The following MFHAS1 variants were observed in gnomAD, a reference collection of about 807,000 sequenced individuals.
The protein encoded by MFHAS1 is malignant fibrous histiocytoma-amplified sequence 1.
A neutral mutation model predicts 70.4 loss-of-function variants in MFHAS1; 50 were observed. The observed-to-expected ratio is 0.71, with a 90% CI of 0.57 to 0.90. The LOEUF (loss-of-function observed/expected upper bound fraction) is 0.90, where lower values mean the gene tolerates loss of function less well. Among genes scored for constraint, MFHAS1 ranks in the 40% least tolerant of loss-of-function variants. The pLI is 0.00. For missense variants in MFHAS1, 1,795 were observed against 1,347.6 expected (o/e 1.33, Z -5.20); for synonymous variants, 952 against 620.0 (o/e 1.54, Z -7.96).
chr8:8,803,047 A>ACT (rs985655958), intron 1 of MFHAS1, among the ~76,000 whole-genome samples: 5 of 151,986 alleles, frequency 3.3e-5, no homozygotes, highest in African/African-American at 1.2e-4. Context: ...AGCCACATAT[A>ACT]CTCTTAAGGG....
intron 1 of MFHAS1, among the ~76,000 whole-genome samples, chr8:8,853,491 C>A (rs1469326281): frequency 7.9e-4 from 97 of 122,798 alleles, no homozygotes; most frequent in African/African-American, 2.2e-3. Flanking sequence ...AAAAAAAAAA[C>A]CACACACAAC....
rs36104437 is a variant in MFHAS1 at position 8,840,019 on chromosome 8, C to A, written c.2999-42528G>T. Among the ~76,000 whole-genome samples the A allele has an allele frequency of 9.3e-3, 1,422 of 152,246 alleles. 11 individuals carry two copies. Among genetic ancestry groups the A allele is most frequent in the Non-Finnish European group, 0.015 (1,050 of 68,014 alleles). ...ATTCTAGTAAATGGATATACATATA[C>A]GTATATATACACATATATGTTTGTA... On this transcript the variant is annotated intron_variant, in intron 1 of 2. Coordinates refer to ENST00000276282, the MANE Select transcript of MFHAS1 (RefSeq NM_004225.3).
intron 2 of MFHAS1, among the ~76,000 whole-genome samples, chr8:8,787,079 A>G (rs1258525855): frequency 1.0e-5 from 1 of 100,242 alleles, no homozygotes; most frequent in African/African-American, 3.7e-5. Flanking sequence ...ACTCAGTATT[A>G]TTATTATTTT....
chr8:8,839,309 A>C (rs1807717134), intron 1 of MFHAS1, among the ~76,000 whole-genome samples: 1 of 152,178 alleles, frequency 6.6e-6, no homozygotes, highest in Admixed American at 6.5e-5. Context: ...CATCCAACAT[A>C]TGTAAAGCCA....
At chr8:8,820,384 T>C (rs1360298077) in intron 1 of MFHAS1, among the ~76,000 whole-genome samples, 4 of 152,142 alleles carry the variant, frequency 2.6e-5, no homozygotes, top group Non-Finnish European at 2.9e-5. Context: ...TTGATTTCTT[T>C]TCTTCCAAGC....
chr8:8,815,203 T>C (rs1240953317), intron 1 of MFHAS1, among the ~76,000 whole-genome samples: 2 of 152,210 alleles, frequency 1.3e-5, no homozygotes, highest in Admixed American at 1.3e-4. Flanking sequence ...ATCTTGTTCC[T>C]TTTTATGGCT....
chr8:8,828,177 C>T (rs1328535300), intron 1 of MFHAS1, among the ~76,000 whole-genome samples: 1 of 152,158 alleles, frequency 6.6e-6, no homozygotes. Context: ...CAAGGGAACT[C>T]GTCAATCATT....
At chr8:8,864,156 A>G (rs1808772865) in intron 1 of MFHAS1, among the ~76,000 whole-genome samples, 1 of 152,212 alleles carries the variant, frequency 6.6e-6, no homozygotes, top group African/African-American at 2.4e-5. Context: ...TTCCCTGGCA[A>G]CACTTGTCTC....
chr8:8,825,837 T>C (rs1009431479), intron 1 of MFHAS1, among the ~76,000 whole-genome samples: 1 of 152,184 alleles, frequency 6.6e-6, no homozygotes, highest in Non-Finnish European at 1.5e-5. Context: ...CTGGATGTCT[T>C]TTCTTGCTAA....
chr8:8,797,466 C>A lies in MFHAS1; in HGVS notation c.3024G>T (p.Pro1008=), dbSNP rs529651069. The change falls in exon 2 of 3, where the codon CCG becomes CCT. Residue 1008 remains proline (P), a synonymous_variant. Coordinates refer to ENST00000276282, the MANE Select transcript of MFHAS1 (RefSeq NM_004225.3). ...GGCAAATGATCTCTGCCACTCCTTC[C>A]GGTCTGGGCTGACTCAGCAACTCCC... ...FPGELLSQPR[P]EGVAEIICPK... is the part of the protein sequence containing the mutation. 1 of 1,613,908 alleles carries A rather than the reference C, an allele frequency of 6.2e-7. No individual in the cohort carries two copies. Among genetic ancestry groups the A allele is most frequent in the Non-Finnish European group, 8.5e-7 (1 of 1,179,944 alleles).
intron 1 of MFHAS1, among the ~76,000 whole-genome samples, chr8:8,876,717 C>T (rs576234567): frequency 2.8e-4 from 43 of 152,014 alleles, no homozygotes; most frequent in African/African-American, 1.0e-3. Flanking sequence ...TTTAAAAGAG[C>T]ATAAGGTGTT....
chr8:8,789,363 C>T (rs575724485), intron 2 of MFHAS1, among the ~76,000 whole-genome samples: 4 of 152,232 alleles, frequency 2.6e-5, no homozygotes, highest in East Asian at 3.9e-4. Flanking sequence ...AAGAACTTTG[C>T]GGGAGGAAGG....
chr8:8,824,538 CA>C (rs1807084572), intron 1 of MFHAS1, among the ~76,000 whole-genome samples: 1 of 47,152 alleles, frequency 2.1e-5, no homozygotes, highest in South Asian at 1.3e-3. Flanking sequence ...CACACACACA[CA>C]CACACACACA....
rs1157378733 is a variant in MFHAS1, at chr8:8,892,624, G to T, written c.435C>A (p.Asn145Lys). Reference protein sequence around the residue: ...RELRKLNLSHNQLPALPAQLG... With the variant: ...RELRKLNLSHKQLPALPAQLG... ...GCTGGGCGGGCAGGGCGGGCAGCTG[G>T]TTGTGGCTGAGGTTGAGCTTCCGCA... The change falls in exon 1 of 3, where the codon AAC (asparagine) becomes AAA (lysine). Residue 145 changes from asparagine (N) to lysine (K), a missense_variant. Coordinates refer to ENST00000276282, the MANE Select transcript of MFHAS1 (RefSeq NM_004225.3). This position sits in a 1 kb window ranked among gnomAD's most constrained non-coding sequence, Gnocchi z 4.7. 1.2e-6 allele frequency: 2 copies of T among 1,606,554 alleles called. No homozygotes were observed. The highest frequency in any genetic ancestry group is 1.7e-6 in the Non-Finnish European group (2 of 1,177,212).
chr8:8,855,732 T>A (rs1250765195), intron 1 of MFHAS1, among the ~76,000 whole-genome samples: 1 of 152,102 alleles, frequency 6.6e-6, no homozygotes, highest in African/African-American at 2.4e-5. Flanking sequence ...GGCAGGCACC[T>A]GTAATCCCAG....
chr8:8,804,453 T>C (rs138914024), intron 1 of MFHAS1, among the ~76,000 whole-genome samples: 34 of 152,392 alleles, frequency 2.2e-4, no homozygotes, highest in African/African-American at 7.7e-4. Context: ...CTTCAGCGTC[T>C]TGAAGCTTTG....
chr8:8,863,780 C>G (rs1346220759), intron 1 of MFHAS1, among the ~76,000 whole-genome samples: 1 of 152,150 alleles, frequency 6.6e-6, no homozygotes, highest in African/African-American at 2.4e-5. Context: ...TATTAATATG[C>G]AGTTTCTAAT....
chr8:8,783,894 T>C lies in MFHAS1; in HGVS notation c.*2128A>G, dbSNP rs1480839518. ...CAAATTCTCAAGCTTCTCTGGAGCATCTTTTGGTCACATGACCCTCGATCA... is the reference window on the plus strand; with the variant it reads ...CAAATTCTCAAGCTTCTCTGGAGCACCTTTTGGTCACATGACCCTCGATCA... On this transcript the variant is annotated 3_prime_UTR_variant, in exon 3 of 3. Coordinates refer to ENST00000276282, the MANE Select transcript of MFHAS1 (RefSeq NM_004225.3). The C allele has an allele frequency of 6.6e-6, 1 of 152,196 alleles. No homozygotes were observed. Among genetic ancestry groups the C allele is most frequent in the Non-Finnish European group, 1.5e-5 (1 of 68,052 alleles). The allele number at this position is 152,196 out of a possible 1,614,324, so 9.4% of individuals were successfully genotyped here.
chr8:8,833,151 A>T (rs1253445105), intron 1 of MFHAS1, among the ~76,000 whole-genome samples: 1 of 152,138 alleles, frequency 6.6e-6, no homozygotes, highest in African/African-American at 2.4e-5. Context: ...TCGTGACAAC[A>T]CCACCAAAGG....
Sources: gnomAD v4.1 joint callset for allele counts (sites outside exome capture counted in the v4.1 genomes callset) on GRCh38, gnomAD v4.1.1 for gene constraint, Gnocchi (gnomAD v3.1) non-coding constraint, MANE v1.5 for transcripts, NCBI Gene and HGNC (gene_info 2026-07-23, HGNC 2026-07-21) for gene names.